The following PCSK5 variants were observed in gnomAD, a reference collection of about 807,000 sequenced individuals.
PCSK5 encodes proprotein convertase subtilisin/kexin type 5.
PCSK5 carries 129 observed loss-of-function variants against 233.2 expected under a neutral mutation model. The ratio of observed to expected loss-of-function variants is 0.55; its 90% CI spans 0.48 to 0.64. PCSK5 has a LOEUF of 0.64. PCSK5 is among the 30% of genes least tolerant of loss of function. The pLI is 0.00. For synonymous variants in PCSK5, 825 were observed against 879.2 expected, an observed-to-expected ratio of 0.94 and a Z score of 1.09; for missense variants, 2,076 against 2,430.1, an observed-to-expected ratio of 0.85 and a Z score of 3.06.
intron 30 of PCSK5, among the ~76,000 whole-genome samples, chr9:76,319,470 C>T (rs201292945): frequency 1.5e-3 from 211 of 145,316 alleles, no homozygotes; most frequent in South Asian, 3.3e-3. Flanking sequence ...TAGGAATAAC[C>T]GGCAGGTATA....
chr9:76,169,189 C>T (rs2131841177), intron 12 of PCSK5, among the ~76,000 whole-genome samples: 1 of 152,184 alleles, frequency 6.6e-6, no homozygotes, highest in East Asian at 1.9e-4. Flanking sequence ...GAGTTGTTTA[C>T]AGTTTTGGGG....
chr9:76,094,646 C>T (rs995787177), intron 7 of PCSK5, among the ~76,000 whole-genome samples: 11 of 151,992 alleles, frequency 7.2e-5, no homozygotes, highest in African/African-American at 2.7e-4. Flanking sequence ...CTCTGTCGCC[C>T]AGCTGGAGTG....
intron 20 of PCSK5, among the ~76,000 whole-genome samples, chr9:76,203,473 A>G (rs992239074): frequency 6.6e-6 from 1 of 151,690 alleles, no homozygotes; most frequent in Non-Finnish European, 1.5e-5. Context: ...GAGGTGTGGT[A>G]GAAGAAGGCA....
intron 2 of PCSK5, among the ~76,000 whole-genome samples, chr9:75,966,381 A>T (rs1190752347): frequency 6.6e-6 from 1 of 152,226 alleles, no homozygotes; most frequent in Non-Finnish European, 1.5e-5. Flanking sequence ...AAATTGGAAA[A>T]TGACATCATG....
chr9:76,330,964 A>G (rs147418955), intron 33 of PCSK5, among the ~76,000 whole-genome samples: 1 of 152,226 alleles, frequency 6.6e-6, no homozygotes, highest in African/African-American at 2.4e-5. Context: ...ATGCCTTCAT[A>G]TAGAGAAGAC....
chr9:76,298,836 TTC>T (rs1355353723), intron 27 of PCSK5, among the ~76,000 whole-genome samples: 1 of 152,228 alleles, frequency 6.6e-6, no homozygotes, highest in African/African-American at 2.4e-5. Context: ...CAGAACGTTT[TTC>T]TGTTTCATTT....
At chr9:76,227,355 C>G in intron 20 of PCSK5, 148 bp from the exon 21 acceptor site, 2 of 620,004 alleles carry the variant, frequency 3.2e-6, no homozygotes, top group East Asian at 5.5e-5. Context: ...GGATTTGGGA[C>G]TAGCAGCTGA....
chr9:76,323,024 A>G (rs777143004), intron 31 of PCSK5, 28 bp from the exon 32 acceptor site: 1 of 1,287,048 alleles, frequency 7.8e-7, no homozygotes, highest in Non-Finnish European at 1.1e-6. Context: ...CCCCCCGGGG[A>G]TAACTTGCTG....
intron 8 of PCSK5, among the ~76,000 whole-genome samples, chr9:76,102,784 A>G (rs192971010): frequency 1.3e-5 from 2 of 152,326 alleles, no homozygotes; most frequent in South Asian, 2.1e-4. Context: ...TGGTGGAAAA[A>G]GAAGTGACTT....
At chr9:75,957,257 A>G (rs1825134751) in intron 2 of PCSK5, among the ~76,000 whole-genome samples, 1 of 152,202 alleles carries the variant, frequency 6.6e-6, no homozygotes, top group Non-Finnish European at 1.5e-5. Flanking sequence ...ATTCAGGCCA[A>G]GTGATCCATA....
At chr9:75,907,832 T>C (rs1822466933) in intron 1 of PCSK5, among the ~76,000 whole-genome samples, 1 of 152,188 alleles carries the variant, frequency 6.6e-6, no homozygotes, top group Non-Finnish European at 1.5e-5. Flanking sequence ...TCACTGTTTA[T>C]GTAGAAGCAA....
At chr9:76,272,517 G>A (rs932942385) in intron 24 of PCSK5, among the ~76,000 whole-genome samples, 2 of 152,064 alleles carry the variant, frequency 1.3e-5, no homozygotes, top group African/African-American at 4.8e-5. Flanking sequence ...GCTCATGCCT[G>A]TAATCCCAGC....
chr9:76,275,850 G>A (rs948039418), intron 24 of PCSK5, among the ~76,000 whole-genome samples: 1 of 152,190 alleles, frequency 6.6e-6, no homozygotes, highest in African/African-American at 2.4e-5. Context: ...TCGCCACACT[G>A]TGATTTCTCT....
intron 35 of PCSK5, among the ~76,000 whole-genome samples, chr9:76,349,659 G>A (rs748881826): frequency 7.9e-5 from 12 of 152,146 alleles, no homozygotes; most frequent in Non-Finnish European, 1.6e-4. Flanking sequence ...CCCTTTACAG[G>A]ATTGTTCTGA....
intron 22 of PCSK5, 104 bp from the exon 23 acceptor site, chr9:76,238,855 A>G: frequency 1.2e-6 from 1 of 809,934 alleles, no homozygotes; most frequent in Non-Finnish European, 2.0e-6. Flanking sequence ...AGGAAAAAAA[A>G]GCACTCAGTC....
chr9:75,975,768 CAT>C (rs1825989205), intron 2 of PCSK5, among the ~76,000 whole-genome samples: 1 of 152,158 alleles, frequency 6.6e-6, no homozygotes, highest in Non-Finnish European at 1.5e-5. Flanking sequence ...AGTGATGTAA[CAT>C]ATATTTACTT....
At chr9:76,176,960 A>G (rs973887246) in intron 14 of PCSK5, among the ~76,000 whole-genome samples, 6 of 152,190 alleles carry the variant, frequency 3.9e-5, no homozygotes, top group African/African-American at 1.4e-4. Context: ...AAGATATGAC[A>G]TGTAACGCAT....
intron 9 of PCSK5, among the ~76,000 whole-genome samples, chr9:76,110,389 G>T (rs890020808): frequency 6.6e-6 from 1 of 152,196 alleles, no homozygotes; most frequent in African/African-American, 2.4e-5. Context: ...TATTTACTCA[G>T]TCATAGGAAC....
chr9:76,298,818 G>A (rs1191652027), intron 27 of PCSK5, among the ~76,000 whole-genome samples: 1 of 152,180 alleles, frequency 6.6e-6, no homozygotes, highest in African/African-American at 2.4e-5. Flanking sequence ...TAGCTGCCTA[G>A]GTGGTACCAG....
Sources: gnomAD v4.1 joint callset for allele counts (sites outside exome capture counted in the v4.1 genomes callset) on GRCh38, gnomAD v4.1.1 for gene constraint, MANE v1.5 for transcripts, NCBI Gene and HGNC (gene_info 2026-07-23, HGNC 2026-07-21) for gene names.